Variants in EPCAM observed in about 807,000 individuals in gnomAD.
EPCAM encodes epithelial cell adhesion molecule, also known as adenocarcinoma-associated antigen.
In EPCAM, 39 loss-of-function variants were observed where a neutral mutation model predicts 40.0. That is an observed-to-expected ratio of 0.98 (90% CI 0.76 to 1.27). EPCAM has a LOEUF of 1.27. Ranked by LOEUF, EPCAM falls within the 50% of genes most tolerant of loss-of-function variation. The pLI is 0.00. For synonymous variants in EPCAM, 168 were observed against 132.3 expected, an observed-to-expected ratio of 1.27 and a Z score of -1.85; for missense variants, 503 against 381.2, an observed-to-expected ratio of 1.32 and a Z score of -2.66.
intron 3 of EPCAM, among the ~76,000 whole-genome samples, chr2:47,374,263 G>T (rs550148267): frequency 5.3e-5 from 8 of 152,018 alleles, no homozygotes; most frequent in Non-Finnish European, 1.0e-4. Flanking sequence ...AGAGATAGTT[G>T]ATGAATTTGT....
chr2:47,373,850 C>G lies in EPCAM; in HGVS notation c.227C>G (p.Ser76Ter). Residue 76 changes from serine to a stop codon, truncating the protein, a stop_gained, in exon 3 of 9, where the codon TCA (serine) becomes TGA (stop). Coordinates refer to ENST00000263735, the MANE Select transcript of EPCAM (RefSeq NM_002354.3). LOFTEE classifies it high-confidence loss of function. ...CLVMKAEMNG[S>*]KLGRRAKPEG... The stretch of plus-strand genomic sequence containing the variant: ...GTGATGAAGGCAGAAATGAATGGCT[C>G]AAAACTTGGGAGAAGAGCAAAACCT... 6.2e-7 allele frequency: 1 copy of G among 1,613,926 alleles called. No homozygotes were observed. The highest frequency in any genetic ancestry group is 1.6e-4 in the Middle Eastern group (1 of 6,062).
At chr2:47,381,906 A>G (rs1462547354) in intron 7 of EPCAM, among the ~76,000 whole-genome samples, 4 of 152,122 alleles carry the variant, frequency 2.6e-5, no homozygotes, top group African/African-American at 9.7e-5. Flanking sequence ...AGCAAGGACT[A>G]CAGGTATGTG....
intron 7 of EPCAM, chr2:47,383,339 T>C (rs1204701634): frequency 4.0e-5 from 6 of 151,326 alleles, no homozygotes; most frequent in Non-Finnish European, 8.7e-5. Flanking sequence ...AGTCTCTCTG[T>C]GTTGCCCTGG....
chr2:47,386,982 C>CT lies in EPCAM; in HGVS notation c.*375dup, dbSNP rs1671759059. 4.3e-6 allele frequency: 1 copy of CT among 235,204 alleles called. No individual in the cohort carries two copies. Among genetic ancestry groups the CT allele is most frequent in the Non-Finnish European group, 8.3e-6 (1 of 120,232 alleles). 14.6% of individuals were successfully genotyped at this position (235,204 alleles called of 1,614,324 possible). ...TTTACTTGAGTCTTGTACATACATACTTTTTTATGAGCTATGAAATAAAAC... is the reference window on the plus strand; with the variant it reads ...TTTACTTGAGTCTTGTACATACATACTTTTTTTATGAGCTATGAAATAAAAC... On this transcript the variant is annotated 3_prime_UTR_variant, in exon 9 of 9. Coordinates refer to ENST00000263735, the MANE Select transcript of EPCAM (RefSeq NM_002354.3).
At chr2:47,382,992 C>T (rs1422628867) in intron 7 of EPCAM, among the ~76,000 whole-genome samples, 2 of 150,760 alleles carry the variant, frequency 1.3e-5, no homozygotes, top group Non-Finnish European at 3.0e-5. Flanking sequence ...TGTTAAATTT[C>T]TTTCTTTTTT....
At position 47,380,368 on chromosome 2, in the gene EPCAM, T is replaced by C. The variant is rs62139667; in HGVS notation, c.858+399T>C. Among the ~76,000 whole-genome samples, 239 of 152,234 alleles carry C rather than the reference T, an allele frequency of 1.6e-3. 1 individual carries two copies. Among genetic ancestry groups the C allele is most frequent in the Non-Finnish European group, 2.7e-3 (186 of 68,004 alleles). ...AAAGTAACATCCATATTCCAAAACA[T>C]TCAGGGAAAAAAATCTTCATTTTTA... On this transcript the variant is annotated intron_variant, in intron 7 of 8. Transcript: ENST00000263735.
At chr2:47,378,690 A>G (rs977433012) in intron 5 of EPCAM, among the ~76,000 whole-genome samples, 4 of 152,204 alleles carry the variant, frequency 2.6e-5, no homozygotes, top group Non-Finnish European at 4.4e-5. Flanking sequence ...TCTTTTCAAT[A>G]TAAGAAAATC....
At chr2:47,385,127 T>A in intron 7 of EPCAM, 39 bp from the exon 8 acceptor site, 13 of 1,499,612 alleles carry the variant, frequency 8.7e-6, no homozygotes, top group Non-Finnish European at 1.1e-5. Flanking sequence ...TTTTTTTGAA[T>A]AGCAGTCCTA....
intron 7 of EPCAM, among the ~76,000 whole-genome samples, chr2:47,381,415 AAT>A (rs1671585787): frequency 6.8e-6 from 1 of 146,058 alleles, no homozygotes; most frequent in African/African-American, 2.5e-5. Flanking sequence ...AAAAAAAAGA[AAT>A]CTTACTAACA....
intron 1 of EPCAM, among the ~76,000 whole-genome samples, chr2:47,370,050 G>A (rs1671209597): frequency 6.6e-6 from 1 of 152,342 alleles, no homozygotes; most frequent in Non-Finnish European, 1.5e-5. Context: ...GGGGACAGGC[G>A]CCCGCAGGGA....
intron 5 of EPCAM, among the ~76,000 whole-genome samples, chr2:47,378,303 T>TC (rs1347894628): frequency 6.7e-6 from 1 of 148,436 alleles, no homozygotes; most frequent in Non-Finnish European, 1.5e-5. Context: ...TCTTTTCTTT[T>TC]TTTTTTTTTT....
intron 8 of EPCAM, among the ~76,000 whole-genome samples, chr2:47,385,638 A>G (rs996756252): frequency 6.6e-6 from 1 of 152,224 alleles, no homozygotes; most frequent in East Asian, 1.9e-4. Flanking sequence ...GTGACATCAA[A>G]GTGTCAGATT....
At chr2:47,370,396 TGAGTA>T (rs770213021) in intron 1 of EPCAM, among the ~76,000 whole-genome samples, 150 of 148,306 alleles carry the variant, frequency 1.0e-3, no homozygotes, top group Middle Eastern at 7.7e-3. Flanking sequence ...CTCAGCCTCC[TGAGTA>T]GAGTAGCTGG....
chr2:47,382,415 G>A (rs1292500171), intron 7 of EPCAM, among the ~76,000 whole-genome samples: 1 of 152,228 alleles, frequency 6.6e-6, no homozygotes, highest in Admixed American at 6.5e-5. Context: ...GGCCAGGCGT[G>A]GTGGCTTACG....
chr2:47,374,785 A>G (rs1053353785), intron 3 of EPCAM, among the ~76,000 whole-genome samples: 13 of 151,952 alleles, frequency 8.6e-5, no homozygotes, highest in African/African-American at 3.1e-4. Flanking sequence ...CTGGGACTAC[A>G]GCTATACCAC....
In EPCAM at chr2:47,377,069, A is replaced by G; in HGVS notation, c.547A>G (p.Ser183Gly). 1.2e-6 allele frequency: 2 copies of G among 1,601,566 alleles called. No individual in the cohort carries two copies. Among genetic ancestry groups the G allele is most frequent in the Non-Finnish European group, 1.7e-6 (2 of 1,168,634 alleles). The part of the protein sequence containing the change: ...RYQLDPKFIT[S>G]ILYENNVITI... ...TCAACTGGATCCAAAATTTATCACG[A>G]GTATTTTGGTATGATTTTTTAATAA... Residue 183 changes from serine to glycine, a missense_variant, in exon 5 of 9, where the codon AGT becomes GGT. Coordinates refer to ENST00000263735, the MANE Select transcript of EPCAM (RefSeq NM_002354.3).
chr2:47,379,202 A>G (rs757546122), intron 6 of EPCAM, 148 bp downstream of exon 6: 4 of 653,024 alleles, frequency 6.1e-6, no homozygotes, highest in Non-Finnish European at 1.1e-5. Context: ...TGTCACTCAC[A>G]TGCATCTTGC....
rs117332180 is a variant in EPCAM at position 47,385,404 on chromosome 2, C to T, written c.903+194C>T. Among the ~76,000 whole-genome samples the T allele has an allele frequency of 2.2e-4, 34 of 152,318 alleles. No individual in the cohort carries two copies. The East Asian group carries it at 4.6e-3, about 21-fold the overall frequency. ...CGTGAGTTCCATGGCAGATCACCAT[C>T]TGTTTTCTGCCTCATAGAAGAGTGG... is the stretch of plus-strand genomic sequence containing the variant. On this transcript the variant is annotated intron_variant, in intron 8 of 8. Transcript: ENST00000263735.
chr2:47,375,412 G>T, intron 4 of EPCAM, 113 bp downstream of exon 4: 1 of 737,850 alleles, frequency 1.4e-6, no homozygotes, highest in Non-Finnish European at 2.4e-6. Flanking sequence ...GAAAAATAAA[G>T]TTACTTGAAA....
Sources: allele counts gnomAD v4.1 joint callset (sites outside exome capture counted in the v4.1 genomes callset), GRCh38; gene constraint gnomAD v4.1.1; transcripts MANE v1.5; gene names NCBI Gene and HGNC (gene_info 2026-07-23, HGNC 2026-07-21).